The following CEMIP2 variants were observed in gnomAD, a reference collection of about 807,000 sequenced individuals.
CEMIP2 encodes cell surface hyaluronidase CEMIP2.
Under a neutral mutation model 146.9 loss-of-function variants are expected in CEMIP2, and 79 were observed. That is an observed-to-expected ratio of 0.54 (90% CI 0.45 to 0.65). The LOEUF is 0.65. Among genes scored for constraint, CEMIP2 ranks in the 30% least tolerant of loss-of-function variants. The pLI is 0.00. For missense variants in CEMIP2, 1,596 were observed against 1,696.2 expected, an observed-to-expected ratio of 0.94 and a Z score of 1.04; for synonymous variants, 601 against 606.3, an observed-to-expected ratio of 0.99 and a Z score of 0.13.
At chr9:71,736,281 G>A (rs180697315) in intron 5 of CEMIP2, among the ~76,000 whole-genome samples, 1 of 151,986 alleles carries the variant, frequency 6.6e-6, no homozygotes, top group African/African-American at 2.4e-5. Flanking sequence ...CTCTCTCTCC[G>A]GTATTCTCTC....
chr9:71,711,345 T>C (rs1822898415), intron 16 of CEMIP2, among the ~76,000 whole-genome samples: 1 of 151,920 alleles, frequency 6.6e-6, no homozygotes. Flanking sequence ...GAGGACCATT[T>C]GAGGCCAGGA....
intron 19 of CEMIP2, among the ~76,000 whole-genome samples, chr9:71,698,731 G>A (rs117807725): frequency 7.2e-5 from 11 of 152,114 alleles, no homozygotes; most frequent in Admixed American, 3.9e-4. Context: ...GGGTTCCTTC[G>A]GTCTATATTA....
intron 17 of CEMIP2, among the ~76,000 whole-genome samples, chr9:71,706,828 A>AT (rs558649446): frequency 2.5e-4 from 38 of 151,716 alleles, no homozygotes; most frequent in African/African-American, 7.7e-4. Flanking sequence ...TTATTTATTT[A>AT]TTATTATTAT....
intron 23 of CEMIP2, 69 bp from the exon 24 acceptor site, chr9:71,685,462 A>T (rs1048387006): frequency 1.9e-5 from 27 of 1,401,594 alleles, no homozygotes; most frequent in Non-Finnish European, 2.5e-5. Flanking sequence ...GCAAGAGAAT[A>T]TAGGAGGTGA....
intron 1 of CEMIP2, among the ~76,000 whole-genome samples, chr9:71,766,691 G>A (rs1406110199): frequency 2.0e-5 from 3 of 152,208 alleles, no homozygotes; most frequent in Non-Finnish European, 4.4e-5. Flanking sequence ...TAAACACCAT[G>A]TAAGAATTTA....
intron 12 of CEMIP2, among the ~76,000 whole-genome samples, chr9:71,720,973 T>C (rs1413544363): frequency 2.0e-5 from 3 of 152,182 alleles, no homozygotes; most frequent in Non-Finnish European, 4.4e-5. Flanking sequence ...TATGAGTAAA[T>C]TGTTTTATTG....
At chr9:71,727,129 C>A (rs62547014) in intron 10 of CEMIP2, among the ~76,000 whole-genome samples, 10,723 of 152,230 alleles carry the variant, frequency 0.07, 544 homozygotes, top group South Asian at 0.19. Context: ...ATAAAAAGGA[C>A]GAACATACAT....
Position 71,685,355 on chromosome 9 carries a change from G to A in CEMIP2, c.3994C>T (p.Pro1332Ser). The change falls in exon 24 of 24, where the codon CCA becomes TCA. Residue 1332 changes from proline to serine, a missense_variant. Pro to Ser is a moderately conservative substitution (Grantham distance 74, BLOSUM62 -1). Coordinates refer to ENST00000377044, the MANE Select transcript of CEMIP2 (RefSeq NM_013390.3). ...CTGGTAAATAGCTTAGTCCATGATG[G>A]TTTAAAGTTTCCACTGAATCCCAAA... ...IFLGFSGNFK[P>S]SWTKLFTSPA... The A allele has an allele frequency of 6.5e-7, 1 of 1,528,930 alleles. No individual in the cohort carries two copies. The highest frequency in any genetic ancestry group is 1.6e-5 in the African/African-American group (1 of 63,914). 94.7% of individuals were successfully genotyped at this position (1,528,930 alleles called of 1,614,324 possible).
intron 22 of CEMIP2, among the ~76,000 whole-genome samples, chr9:71,689,027 A>G (rs890317168): frequency 2.6e-5 from 4 of 152,156 alleles, no homozygotes; most frequent in African/African-American, 9.7e-5. Flanking sequence ...TCTTAAATCT[A>G]TGGGGTACCT....
Position 71,685,850 on chromosome 9 carries a change from T to C in CEMIP2, c.3852-4A>G, listed in dbSNP as rs1269129629. On this transcript the variant is annotated splice_region_variant and splice_polypyrimidine_tract_variant and intron_variant, in intron 22 of 23. Transcript: ENST00000377044. ...TGTGCTCAACAGAACAATGGACCTG[T>C]ATGTGAAATTTAGAAAGTCAGAGCC... 2 of 1,611,328 alleles carry C rather than the reference T, an allele frequency of 1.2e-6. No homozygotes were observed. The highest frequency in any genetic ancestry group is 1.7e-5 in the Admixed American group (1 of 59,938).
intron 16 of CEMIP2, 63 bp downstream of exon 16, chr9:71,712,020 G>A: frequency 1.9e-6 from 3 of 1,553,248 alleles, no homozygotes; most frequent in South Asian, 2.4e-5. Context: ...TTTGTCTTTG[G>A]GAATGTGCTA....
intron 13 of CEMIP2, 35 bp downstream of exon 13, chr9:71,717,913 T>C: frequency 6.4e-7 from 1 of 1,569,568 alleles, no homozygotes; most frequent in South Asian, 1.2e-5. Flanking sequence ...AATACATCAG[T>C]GTCATCATAT....
intron 18 of CEMIP2, among the ~76,000 whole-genome samples, chr9:71,702,792 T>G (rs898484217): frequency 1.3e-5 from 2 of 152,208 alleles, no homozygotes; most frequent in African/African-American, 2.4e-5. Flanking sequence ...TGACTGAATT[T>G]CATGCCCATG....
At chr9:71,741,461 T>G (rs1314999797) in intron 4 of CEMIP2, among the ~76,000 whole-genome samples, 1 of 151,852 alleles carries the variant, frequency 6.6e-6, no homozygotes, top group African/African-American at 2.4e-5. Context: ...CCTCCCAAAG[T>G]GCTGGGATTA....
At chr9:71,699,326 G>T in intron 19 of CEMIP2, 1 of 355,626 alleles carries the variant, frequency 2.8e-6, no homozygotes, top group South Asian at 2.1e-5. Flanking sequence ...GGGTGTGGTG[G>T]CAGCAGCTAC....
chr9:71,749,965 AT>A lies in CEMIP2; in HGVS notation c.331+77del, dbSNP rs891799303. The A allele has an allele frequency of 8.2e-5, 109 of 1,323,012 alleles. 1 individual carries two copies. Among genetic ancestry groups the A allele is most frequent in the East Asian group, 4.2e-4 (17 of 40,464 alleles). The allele number at this position is 1,323,012 out of a possible 1,614,324, so 82.0% of individuals were successfully genotyped here. Reference sequence around the variant, plus strand: ...GTTAGCTAGGGCCAACTTAAGATAAATTTTTTTTTAAGTATTCTACTATTTC... The same window carrying A: ...GTTAGCTAGGGCCAACTTAAGATAAATTTTTTTTAAGTATTCTACTATTTC... On this transcript the variant is annotated intron_variant, in intron 2 of 23. Coordinates refer to ENST00000377044, the MANE Select transcript of CEMIP2 (RefSeq NM_013390.3).
At chr9:71,685,484 GC>G in intron 23 of CEMIP2, 91 bp from the exon 24 acceptor site, 8 of 1,335,400 alleles carry the variant, frequency 6.0e-6, no homozygotes, top group Non-Finnish European at 6.9e-6. Flanking sequence ...TCGGAGGTGA[GC>G]AAAACAAAGG....
chr9:71,756,238 GTA>G (rs10546089), intron 1 of CEMIP2, among the ~76,000 whole-genome samples: 12,627 of 138,334 alleles, frequency 0.091, 1,732 homozygotes, highest in African/African-American at 0.3. Flanking sequence ...GTATATAGGT[GTA>G]TATATATATA....
intron 21 of CEMIP2, among the ~76,000 whole-genome samples, chr9:71,692,678 G>A (rs1463193173): frequency 6.6e-6 from 1 of 152,160 alleles, no homozygotes; most frequent in Admixed American, 6.5e-5. Flanking sequence ...GAAGGCCAAG[G>A]CAGGAAGATC....
Sources: gnomAD v4.1 joint callset for allele counts (sites outside exome capture counted in the v4.1 genomes callset) on GRCh38, gnomAD v4.1.1 for gene constraint, MANE v1.5 for transcripts, NCBI Gene and HGNC (gene_info 2026-07-23, HGNC 2026-07-21) for gene names.